The following EXOC4 variants were observed in gnomAD, a reference collection of about 807,000 sequenced individuals.
The protein encoded by EXOC4 is exocyst complex component 4.
A neutral mutation model predicts 107.2 loss-of-function variants in EXOC4; 71 were observed. The ratio of observed to expected loss-of-function variants is 0.66; its 90% CI spans 0.55 to 0.81. The LOEUF (loss-of-function observed/expected upper bound fraction) is 0.81. Ranked by LOEUF, EXOC4 falls within the 30% of genes least tolerant of loss-of-function variation. The pLI is 0.00. For synonymous variants in EXOC4, 456 were observed against 441.2 expected, an observed-to-expected ratio of 1.03 and a Z score of -0.42; for missense variants, 1,108 against 1,189.6, an observed-to-expected ratio of 0.93 and a Z score of 1.01.
intron 7 of EXOC4, among the ~76,000 whole-genome samples, chr7:133,411,506 T>C (rs986325613): frequency 1.3e-5 from 2 of 152,142 alleles, no homozygotes; most frequent in Non-Finnish European, 2.9e-5. Context: ...TTGTTAGTCA[T>C]TTATGCGTTG....
At chr7:133,583,155 C>G (rs553290589) in intron 9 of EXOC4, among the ~76,000 whole-genome samples, 1 of 152,244 alleles carries the variant, frequency 6.6e-6, no homozygotes, top group East Asian at 1.9e-4. Flanking sequence ...TTCTCACCAA[C>G]AGCCTCTCTT....
At chr7:133,772,570 AC>A in intron 10 of EXOC4, among the ~76,000 whole-genome samples, 1 of 152,144 alleles carries the variant, frequency 6.6e-6, no homozygotes, top group Non-Finnish European at 1.5e-5. Flanking sequence ...CTGCAGTAGT[AC>A]TTAACCTAAA....
chr7:133,627,012 G>A (rs1244125647), intron 9 of EXOC4, among the ~76,000 whole-genome samples: 2 of 152,120 alleles, frequency 1.3e-5, no homozygotes, highest in Non-Finnish European at 2.9e-5. Flanking sequence ...AGCAAGTTAG[G>A]TCTTTTTTCC....
intron 9 of EXOC4, among the ~76,000 whole-genome samples, chr7:133,483,169 A>C (rs2150864009): frequency 6.6e-6 from 1 of 152,326 alleles, no homozygotes; most frequent in Middle Eastern, 3.4e-3. Flanking sequence ...TGTTTGATAA[A>C]TACTGGTTGA....
chr7:133,436,042 C>A (rs927063279), intron 7 of EXOC4, among the ~76,000 whole-genome samples: 6 of 125,494 alleles, frequency 4.8e-5, no homozygotes, highest in Non-Finnish European at 9.7e-5. Flanking sequence ...TTTGAATTAT[C>A]TCAGTGTTTT....
At position 134,005,728 on chromosome 7, in the gene EXOC4, T is replaced by C. The variant is rs529308803; in HGVS notation, c.2527+638T>C. 1.3e-4 allele frequency among the ~76,000 whole-genome samples: 20 copies of C among 152,322 alleles called. No homozygotes were observed. The South Asian group carries it at 1.9e-3, about 14-fold the overall frequency. On this transcript the variant is annotated intron_variant, in intron 16 of 17. Coordinates refer to ENST00000253861, the MANE Select transcript of EXOC4 (RefSeq NM_021807.4). Reference sequence around the variant, plus strand: ...TTAGGACTCCACATTATGTTCCCTTTGTCCATGTTTTGGTTTGTTTGTATG... The same window carrying C: ...TTAGGACTCCACATTATGTTCCCTTCGTCCATGTTTTGGTTTGTTTGTATG...
At chr7:133,255,161 T>C (rs1347616026) in intron 1 of EXOC4, among the ~76,000 whole-genome samples, 2 of 145,836 alleles carry the variant, frequency 1.4e-5, no homozygotes, top group Non-Finnish European at 3.0e-5. Context: ...TTGTGCATTA[T>C]ATTGCTTTTC....
chr7:134,081,525 GT>G, the EXOC4 span, among the ~76,000 whole-genome samples: 1 of 152,160 alleles, frequency 6.6e-6, no homozygotes, highest in South Asian at 2.1e-4. Context: ...GAGGGCAGAG[GT>G]TTTTATATCT....
intron 14 of EXOC4, among the ~76,000 whole-genome samples, chr7:133,981,425 C>A (rs1793975572): frequency 1.3e-5 from 2 of 151,696 alleles, no homozygotes; most frequent in African/African-American, 4.8e-5. Context: ...AATACAACCC[C>A]ATAAAAAAGT....
chr7:133,714,098 T>C (rs1209608037), intron 10 of EXOC4, among the ~76,000 whole-genome samples: 1 of 152,068 alleles, frequency 6.6e-6, no homozygotes, highest in African/African-American at 2.4e-5. Flanking sequence ...CCAGCATCAG[T>C]ACTAGGTAGA....
chr7:133,322,453 A>G (rs1349363636), intron 5 of EXOC4, among the ~76,000 whole-genome samples: 3 of 152,222 alleles, frequency 2.0e-5, no homozygotes, highest in Non-Finnish European at 4.4e-5. Flanking sequence ...GAGTTTTCCC[A>G]ACACCATTTA....
At chr7:133,871,247 T>C (rs1798744891) in intron 11 of EXOC4, among the ~76,000 whole-genome samples, 1 of 152,084 alleles carries the variant, frequency 6.6e-6, no homozygotes, top group African/African-American at 2.4e-5. Context: ...TTCAGCAACA[T>C]TTTTAAGTTC....
rs556683698 is a variant in EXOC4 at position 133,787,442 on chromosome 7, T to C, written c.1515-29883T>C. 1.2e-4 allele frequency among the ~76,000 whole-genome samples: 19 copies of C among 152,012 alleles called. No individual in the cohort carries two copies. In the South Asian group the frequency reaches 3.9e-3, roughly 32 times the overall value. ...CTGTGTCAAGTGTCAAAGCACTTTT[T>C]ATGGGTTAAATCATTTAATCCCTCA... On this transcript the variant is annotated intron_variant, in intron 10 of 17. Coordinates refer to ENST00000253861, the MANE Select transcript of EXOC4 (RefSeq NM_021807.4).
intron 9 of EXOC4, among the ~76,000 whole-genome samples, chr7:133,590,128 T>C (rs185520179): frequency 1.3e-5 from 2 of 152,028 alleles, no homozygotes; most frequent in Admixed American, 6.6e-5. Flanking sequence ...GAATTTCCGA[T>C]GTCTCCACTC....
At chr7:133,456,668 A>G (rs1309083591) in intron 7 of EXOC4, among the ~76,000 whole-genome samples, 1 of 152,140 alleles carries the variant, frequency 6.6e-6, no homozygotes. Context: ...CTCTGAGCTC[A>G]TTTTTGGGCT....
At chr7:133,326,476 C>G (rs1795244040) in intron 5 of EXOC4, among the ~76,000 whole-genome samples, 1 of 152,204 alleles carries the variant, frequency 6.6e-6, no homozygotes, top group African/African-American at 2.4e-5. Flanking sequence ...AGGTCTACTC[C>G]AGACCCTGTT....
intron 10 of EXOC4, among the ~76,000 whole-genome samples, chr7:133,685,226 A>G (rs1375126284): frequency 6.6e-6 from 1 of 152,104 alleles, no homozygotes; most frequent in African/African-American, 2.4e-5. Context: ...CATAATCCCC[A>G]CGTGTTAAGG....
At chr7:133,982,545 C>CT (rs1226306373) in intron 14 of EXOC4, among the ~76,000 whole-genome samples, 1 of 152,160 alleles carries the variant, frequency 6.6e-6, no homozygotes, top group Non-Finnish European at 1.5e-5. Context: ...GAGTGAGACT[C>CT]TGTCTCCAAA....
At chr7:134,031,745 T>C (rs1050178605) in intron 17 of EXOC4, among the ~76,000 whole-genome samples, 4 of 152,190 alleles carry the variant, frequency 2.6e-5, no homozygotes, top group African/African-American at 9.7e-5. Context: ...GAAGGAAACT[T>C]CTATGCAAGT....
Sources: allele counts gnomAD v4.1 joint callset (sites outside exome capture counted in the v4.1 genomes callset), GRCh38; gene constraint gnomAD v4.1.1; transcripts MANE v1.5; gene names NCBI Gene and HGNC (gene_info 2026-07-23, HGNC 2026-07-21).